Variants in POF1B observed in about 807,000 individuals in gnomAD.
POF1B encodes POF1B actin binding protein.
In POF1B, 53 loss-of-function variants were observed where a neutral mutation model predicts 55.3. That is an observed-to-expected ratio of 0.96 (90% CI 0.77 to 1.20). POF1B has a LOEUF of 1.20. POF1B is among the 50% of genes most tolerant of loss of function. The pLI, the probability that POF1B is intolerant of heterozygous loss-of-function variation, is 0.00. For missense variants in POF1B, 478 were observed against 420.5 expected (o/e 1.14, Z -1.20); for synonymous variants, 188 against 148.3 (o/e 1.27, Z -1.95).
intron 7 of POF1B, among the ~76,000 whole-genome samples, chrX:85,328,015 G>A (rs914535808): frequency 9.0e-6 from 1 of 110,558 alleles, no homozygotes; most frequent in Non-Finnish European, 1.9e-5. Flanking sequence ...CAAAAGGGGA[G>A]GGAGAGATGG....
At chrX:85,282,870 A>G (rs767410466) in intron 15 of POF1B, among the ~76,000 whole-genome samples, 9 of 110,789 alleles carry the variant, frequency 8.1e-5, no homozygotes, top group Non-Finnish European at 1.5e-4. Context: ...AGCTACCAAG[A>G]CTTAGGAAAT....
At chrX:85,322,388 C>T (rs757984839) in intron 7 of POF1B, among the ~76,000 whole-genome samples, 1,329 of 111,113 alleles carry the variant, frequency 0.012, 16 homozygotes, top group Admixed American at 0.036. Context: ...ACTGGCTAGT[C>T]ATATGTAGAA....
intron 2 of POF1B, among the ~76,000 whole-genome samples, chrX:85,376,216 A>G (rs911843939): frequency 5.4e-5 from 6 of 111,796 alleles, no homozygotes; most frequent in Admixed American, 3.8e-4. Context: ...TGTATGCATG[A>G]AAAATACCTC....
At chrX:85,355,030 A>T (rs1481756468) in intron 4 of POF1B, among the ~76,000 whole-genome samples, 4 of 111,676 alleles carry the variant, frequency 3.6e-5, no homozygotes, top group African/African-American at 6.5e-5. Context: ...ACAAAGCTGG[A>T]GGCATCACAC....
intron 15 of POF1B, among the ~76,000 whole-genome samples, chrX:85,290,180 T>G (rs1331930352): frequency 1.8e-5 from 2 of 111,060 alleles, no homozygotes; most frequent in Non-Finnish European, 3.8e-5. Flanking sequence ...ATCCCATGTT[T>G]AGCTCCCACA....
chrX:85,378,065 T>C (rs1270297223), intron 2 of POF1B, among the ~76,000 whole-genome samples: 1 of 111,768 alleles, frequency 8.9e-6, no homozygotes, highest in Non-Finnish European at 1.9e-5. Flanking sequence ...GAGTGCACAT[T>C]TGCATTATTT....
intron 15 of POF1B, among the ~76,000 whole-genome samples, chrX:85,288,114 G>T (rs1932096507): frequency 9.0e-6 from 1 of 111,560 alleles, no homozygotes; most frequent in East Asian, 2.8e-4. Flanking sequence ...ATCATTTAAA[G>T]TCTCTGGAAC....
intron 7 of POF1B, 60 bp downstream of exon 7, chrX:85,330,889 T>C (rs1424103920): frequency 9.4e-7 from 1 of 1,062,920 alleles, no homozygotes; most frequent in Non-Finnish European, 1.2e-6. Context: ...TTTAAAGTAC[T>C]AGAATGTTGT....
intron 5 of POF1B, among the ~76,000 whole-genome samples, chrX:85,350,980 G>A (rs1035018211): frequency 9.9e-5 from 11 of 111,350 alleles, no homozygotes; most frequent in Non-Finnish European, 1.7e-4. Context: ...TTTAAAATTC[G>A]TTCTATATTA....
At chrX:85,346,518 T>A (rs1208207330) in intron 5 of POF1B, among the ~76,000 whole-genome samples, 2 of 110,260 alleles carry the variant, frequency 1.8e-5, no homozygotes, top group Non-Finnish European at 3.8e-5. Context: ...CTTATCCTTA[T>A]GAAACTTAAG....
chrX:85,321,596 A>G (rs1162838770), intron 7 of POF1B, among the ~76,000 whole-genome samples: 1 of 108,411 alleles, frequency 9.2e-6, no homozygotes, highest in Non-Finnish European at 1.9e-5. Context: ...TGGCCAGGGC[A>G]ATTAGGCAGG....
chrX:85,341,748 T>C (rs1036733211), intron 6 of POF1B, among the ~76,000 whole-genome samples: 2 of 111,131 alleles, frequency 1.8e-5, no homozygotes, highest in African/African-American at 6.5e-5. Context: ...AATTCTATCA[T>C]TGGTGAATGA....
chrX:85,325,961 G>T (rs2147921376), intron 7 of POF1B, among the ~76,000 whole-genome samples: 1 of 111,364 alleles, frequency 9.0e-6, no homozygotes, highest in South Asian at 3.8e-4. Context: ...CTCAGCTAAG[G>T]ACTCCTGAAG....
chrX:85,359,043 TA>T (rs1933556267), intron 4 of POF1B, among the ~76,000 whole-genome samples: 1 of 111,089 alleles, frequency 9.0e-6, no homozygotes, highest in Non-Finnish European at 1.9e-5. Flanking sequence ...TGTAATTTTC[TA>T]AAAAACTCAT....
At chrX:85,344,003 T>C (rs1231636975) in intron 6 of POF1B, among the ~76,000 whole-genome samples, 1 of 111,319 alleles carries the variant, frequency 9.0e-6, no homozygotes, top group East Asian at 2.8e-4. Context: ...CAATAGCACC[T>C]TCCTAATCTG....
Position 85,305,928 on chromosome X carries a change from A to C in POF1B, c.1318-18T>G, listed in dbSNP as rs1485554505. ...TCAGAAACCTACAGAAGGCAAAATA[A>C]CTATCTGTAATTGGATTGTTTTGAA... On this transcript the variant is annotated intron_variant, in intron 12 of 16. Transcript: ENST00000262753. 8 of 1,198,940 alleles carry C rather than the reference A, an allele frequency of 6.7e-6. No individual in the cohort carries two copies. The highest frequency in any genetic ancestry group is 9.0e-6 in the Non-Finnish European group (8 of 889,656).
At chrX:85,378,745 A>G (rs1203996901) in intron 2 of POF1B, among the ~76,000 whole-genome samples, 1 of 112,207 alleles carries the variant, frequency 8.9e-6, no homozygotes, top group African/African-American at 3.2e-5. Context: ...ATTGCTTATC[A>G]CTCAGACATG....
intron 9 of POF1B, among the ~76,000 whole-genome samples, chrX:85,309,837 A>G (rs1042978309): frequency 9.0e-6 from 1 of 111,634 alleles, no homozygotes; most frequent in African/African-American, 3.3e-5. Context: ...GGTGTCAGAA[A>G]AGACAGAGTG....
rs1933975606 is a variant in POF1B at position 85,379,398 on chromosome X, G to A, written c.57C>T (p.Leu19=). Residue 19 remains leucine (L), a synonymous_variant, in exon 2 of 17, where the codon CTC becomes CTT. Coordinates refer to ENST00000262753, the MANE Select transcript of POF1B (RefSeq NM_024921.4). ...GGGGCTGGCACTGCAGCACCTCTGG[G>A]AGCTGCTGGGTTCCACAGCTGCTGC... ...TSSSSCGTQQ[L]PEVLQCQPQH... The A allele has an allele frequency of 8.3e-7, 1 of 1,209,692 alleles. No homozygotes were observed. Among genetic ancestry groups the A allele is most frequent in the Non-Finnish European group, 1.1e-6 (1 of 894,884 alleles).
Sources: allele counts gnomAD v4.1 joint callset (sites outside exome capture counted in the v4.1 genomes callset), GRCh38; gene constraint gnomAD v4.1.1; transcripts MANE v1.5; gene names NCBI Gene and HGNC (gene_info 2026-07-23, HGNC 2026-07-21).